GLRA1: variants seen among roughly 807,000 people sequenced by gnomAD.
The protein encoded by GLRA1 is glycine receptor subunit alpha-1.
Under a neutral mutation model 48.3 loss-of-function variants are expected in GLRA1, and 37 were observed. That is an observed-to-expected ratio of 0.77 (90% CI 0.59 to 1.01). The LOEUF (loss-of-function observed/expected upper bound fraction) is 1.01. Ranked by LOEUF, GLRA1 falls within the 50% of genes least tolerant of loss-of-function variation. The pLI, the probability that GLRA1 is intolerant of heterozygous loss-of-function variation, is 0.00. For missense variants in GLRA1, 427 were observed against 571.0 expected, an observed-to-expected ratio of 0.75 and a Z score of 2.57; for synonymous variants, 196 against 210.7, an observed-to-expected ratio of 0.93 and a Z score of 0.60.
Position 151,851,413 on chromosome 5 carries a change from C to T in GLRA1, c.889G>A (p.Gly297Ser), listed in dbSNP as rs1561556166. ...TVLTMTTQSS[G>S]SRASLPKVSY... The stretch of plus-strand genomic sequence containing the variant: ...ACCTTGGGCAGAGATGCTCGAGAGC[C>T]GGAGCTCTGGGTGGTCATGGTGAGC... The change falls in exon 7 of 9, where the codon GGC (glycine) becomes AGC (serine). Residue 297 changes from glycine (G) to serine (S), a missense_variant. Transcript: ENST00000274576. 3.1e-6 allele frequency: 5 copies of T among 1,613,134 alleles called. No individual in the cohort carries two copies. The highest frequency in any genetic ancestry group is 1.7e-5 in the Admixed American group (1 of 59,974).
intron 7 of GLRA1, among the ~76,000 whole-genome samples, chr5:151,836,308 G>A (rs1000282821): frequency 6.6e-6 from 1 of 152,136 alleles, no homozygotes; most frequent in African/African-American, 2.4e-5. Context: ...AATAAGAGAG[G>A]ACACAAACAA....
In GLRA1 at chr5:151,826,119, C is replaced by T. The variant is rs569929532; in HGVS notation, c.1059+2802G>A. On this transcript the variant is annotated intron_variant, in intron 8 of 8. Transcript: ENST00000274576. ...AAGTGAGTTGGGGCTGAAAAATATC[C>T]CTGGTTAGAAGGGATGGTATTAACT... 2.6e-5 allele frequency among the ~76,000 whole-genome samples: 4 copies of T among 152,222 alleles called. No individual in the cohort carries two copies. In the East Asian group the frequency reaches 7.7e-4, roughly 29 times the overall value.
At chr5:151,906,727 A>G (rs539227420) in intron 1 of GLRA1, among the ~76,000 whole-genome samples, 11 of 152,248 alleles carry the variant, frequency 7.2e-5, no homozygotes, top group African/African-American at 2.6e-4. Flanking sequence ...TTGTGTATCT[A>G]TTGTACAGAT....
At chr5:151,889,856 A>C (rs1410568736) in intron 2 of GLRA1, among the ~76,000 whole-genome samples, 1 of 151,838 alleles carries the variant, frequency 6.6e-6, no homozygotes, top group Non-Finnish European at 1.5e-5. Flanking sequence ...GGCAGAGAAA[A>C]CTTCTCAGCT....
chr5:151,897,648 A>G (rs1754255272), intron 1 of GLRA1, among the ~76,000 whole-genome samples: 1 of 152,204 alleles, frequency 6.6e-6, no homozygotes, highest in African/African-American at 2.4e-5. Context: ...AGAAATGAAA[A>G]ATACTGAAAG....
chr5:151,914,937 C>G (rs576906578), intron 1 of GLRA1, among the ~76,000 whole-genome samples: 1 of 152,316 alleles, frequency 6.6e-6, no homozygotes, highest in African/African-American at 2.4e-5. Flanking sequence ...TAGTCTCCTC[C>G]TTCCTCCTCC....
intron 7 of GLRA1, among the ~76,000 whole-genome samples, chr5:151,847,643 C>T (rs1331655171): frequency 6.6e-6 from 1 of 151,648 alleles, no homozygotes; most frequent in South Asian, 2.1e-4. Flanking sequence ...CGCTTGAACC[C>T]GGGAGGTGGA....
At chr5:151,881,591 C>T (rs767126836) in intron 3 of GLRA1, among the ~76,000 whole-genome samples, 9 of 151,658 alleles carry the variant, frequency 5.9e-5, no homozygotes, top group Non-Finnish European at 1.3e-4. Context: ...GCACCTTGGC[C>T]TCCCAAAGTG....
At chr5:151,864,620 C>T (rs183339065) in intron 3 of GLRA1, among the ~76,000 whole-genome samples, 259 of 152,362 alleles carry the variant, frequency 1.7e-3, no homozygotes, top group Middle Eastern at 3.4e-3. Context: ...ATTCTGCCTT[C>T]TCAGCTTAAG....
At chr5:151,852,732 G>A (rs975323838) in intron 6 of GLRA1, among the ~76,000 whole-genome samples, 1 of 152,200 alleles carries the variant, frequency 6.6e-6, no homozygotes, top group Non-Finnish European at 1.5e-5. Flanking sequence ...GTACATTTAG[G>A]TTGTTTCCAT....
chr5:151,828,410 T>C (rs955623927), intron 8 of GLRA1, among the ~76,000 whole-genome samples: 3 of 152,156 alleles, frequency 2.0e-5, no homozygotes, highest in Non-Finnish European at 2.9e-5. Context: ...AATATTCCTT[T>C]ATTCAATCCC....
At position 151,839,387 on chromosome 5, in the gene GLRA1, C is replaced by T. The variant is rs550918699; in HGVS notation, c.913-10320G>A. On this transcript the variant is annotated intron_variant, in intron 7 of 8. Coordinates refer to ENST00000274576, the MANE Select transcript of GLRA1 (RefSeq NM_000171.4). The stretch of plus-strand genomic sequence containing the variant: ...CAGTTTTTGTTTATAACTTTTTTCT[C>T]CTATCTGATTTAAAGGACAGTTGAG... Among the ~76,000 whole-genome samples, 3 of 152,190 alleles carry T rather than the reference C, an allele frequency of 2.0e-5. No homozygotes were observed. In the South Asian group the frequency reaches 6.2e-4, roughly 32 times the overall value.
At chr5:151,874,133 G>A (rs1219763292) in intron 3 of GLRA1, among the ~76,000 whole-genome samples, 1 of 152,136 alleles carries the variant, frequency 6.6e-6, no homozygotes, top group African/African-American at 2.4e-5. Context: ...GGTTGATTCT[G>A]TGTGGCACTA....
intron 1 of GLRA1, among the ~76,000 whole-genome samples, chr5:151,914,120 T>A (rs2113456782): frequency 6.6e-6 from 1 of 151,770 alleles, no homozygotes; most frequent in Admixed American, 6.6e-5. Flanking sequence ...ATTTTAAGAG[T>A]TGATATTAGG....
At chr5:151,842,344 C>CAAA in intron 7 of GLRA1, among the ~76,000 whole-genome samples, 1 of 139,992 alleles carries the variant, frequency 7.1e-6, no homozygotes, top group South Asian at 2.2e-4. Context: ...TGAATACAGA[C>CAAA]AAAAAAAAAA....
intron 7 of GLRA1, among the ~76,000 whole-genome samples, chr5:151,836,134 G>A (rs978815868): frequency 1.3e-5 from 2 of 152,134 alleles, no homozygotes; most frequent in African/African-American, 2.4e-5. Context: ...AAATCAATGT[G>A]CAAAAATCAC....
chr5:151,835,150 A>G (rs1043098975), intron 7 of GLRA1, among the ~76,000 whole-genome samples: 2 of 152,146 alleles, frequency 1.3e-5, no homozygotes, highest in South Asian at 2.1e-4. Context: ...AAACACCTCT[A>G]TGCAAATAAA....
chr5:151,842,627 C>T (rs1423731407), intron 7 of GLRA1, among the ~76,000 whole-genome samples: 1 of 152,164 alleles, frequency 6.6e-6, no homozygotes, highest in Non-Finnish European at 1.5e-5. Flanking sequence ...CTATGTAAAA[C>T]CCACAGCTAA....
intron 7 of GLRA1, among the ~76,000 whole-genome samples, chr5:151,832,727 G>A (rs1006135940): frequency 2.0e-5 from 3 of 152,088 alleles, no homozygotes; most frequent in African/African-American, 4.8e-5. Context: ...AACACTCTTC[G>A]GGGTATTATC....
Sources: allele counts gnomAD v4.1 joint callset (sites outside exome capture counted in the v4.1 genomes callset), GRCh38; gene constraint gnomAD v4.1.1; transcripts MANE v1.5; gene names NCBI Gene and HGNC (gene_info 2026-07-23, HGNC 2026-07-21).